GUCY2F: variants seen among roughly 807,000 people sequenced by gnomAD.
GUCY2F encodes guanylate cyclase 2F, retinal, also known as retinal guanylyl cyclase 2.
In GUCY2F, 61 loss-of-function variants were observed where a neutral mutation model predicts 73.1. That is an observed-to-expected ratio of 0.83 (90% confidence interval 0.68 to 1.03). The LOEUF (loss-of-function observed/expected upper bound fraction) is 1.03, where lower values mean the gene tolerates loss of function less well. Ranked by LOEUF, GUCY2F falls within the 50% of genes least tolerant of loss-of-function variation. The probability of loss-of-function intolerance (pLI) is 0.00; values close to 1 mark genes in which losing one functional copy is unlikely to be tolerated. For synonymous variants in GUCY2F, 331 were observed against 307.8 expected (o/e 1.08, Z -0.79); for missense variants, 912 against 854.3 (o/e 1.07, Z -0.84).
At chrX:109,379,382 CACA>C (rs1930248739) in intron 17 of GUCY2F, among the ~76,000 whole-genome samples, 1 of 95,722 alleles carries the variant, frequency 1.0e-5, no homozygotes, top group South Asian at 5.8e-4. Flanking sequence ...ATGTTCTCAC[CACA>C]AAAAAAAAAT....
intron 8 of GUCY2F, among the ~76,000 whole-genome samples, chrX:109,420,370 GAGAA>G (rs958786364): frequency 9.5e-6 from 1 of 104,945 alleles, no homozygotes; most frequent in African/African-American, 3.5e-5. Context: ...GAGAGAGAGA[GAGAA>G]AGACAAAGAG....
chrX:109,438,388 T>A (rs1342698873), intron 7 of GUCY2F, among the ~76,000 whole-genome samples: 1 of 112,688 alleles, frequency 8.9e-6, no homozygotes, highest in Non-Finnish European at 1.9e-5. Flanking sequence ...TACCTCTTAA[T>A]GTCCTCACAT....
chrX:109,442,518 G>A, intron 6 of GUCY2F, among the ~76,000 whole-genome samples: 1 of 111,294 alleles, frequency 9.0e-6, no homozygotes, highest in Non-Finnish European at 1.9e-5. Flanking sequence ...ATTTTACTTT[G>A]CTTGCCAATA....
At chrX:109,403,682 T>C (rs1189984167) in intron 10 of GUCY2F, among the ~76,000 whole-genome samples, 1 of 112,212 alleles carries the variant, frequency 8.9e-6, no homozygotes, top group Non-Finnish European at 1.9e-5. Flanking sequence ...CCCCCAACTT[T>C]TCTGTGTTCT....
At chrX:109,378,628 C>T (rs1239223877) in intron 17 of GUCY2F, among the ~76,000 whole-genome samples, 2 of 111,401 alleles carry the variant, frequency 1.8e-5, no homozygotes, top group Admixed American at 1.9e-4. Flanking sequence ...CATAGACATG[C>T]TCATACACAC....
chrX:109,448,395 A>C (rs1269352104), intron 5 of GUCY2F, among the ~76,000 whole-genome samples: 2 of 111,990 alleles, frequency 1.8e-5, no homozygotes, highest in African/African-American at 6.5e-5. Flanking sequence ...AATGCTCTTG[A>C]AGAGGCACCA....
intron 19 of GUCY2F, among the ~76,000 whole-genome samples, chrX:109,375,022 T>C (rs17003954): frequency 0.014 from 1,580 of 110,017 alleles, 24 homozygotes; most frequent in African/African-American, 0.045. Flanking sequence ...TGTGATTATT[T>C]TGGGACATGT....
At chrX:109,384,374 C>G (rs186665647) in intron 16 of GUCY2F, among the ~76,000 whole-genome samples, 145 of 112,191 alleles carry the variant, frequency 1.3e-3, no homozygotes, top group Non-Finnish European at 1.6e-3. Context: ...TAATGTTATT[C>G]TCTATGCTTT....
chrX:109,461,239 A>G (rs1194710467), intron 3 of GUCY2F, among the ~76,000 whole-genome samples: 2 of 112,102 alleles, frequency 1.8e-5, no homozygotes, highest in African/African-American at 6.5e-5. Flanking sequence ...AGAAGTAAAT[A>G]CCAGAATAAA....
chrX:109,455,144 A>G (rs769408997), intron 3 of GUCY2F, among the ~76,000 whole-genome samples: 19 of 111,480 alleles, frequency 1.7e-4, no homozygotes, highest in Non-Finnish European at 3.4e-4. Context: ...CCAGACCAAC[A>G]AAAAGAGATG....
chrX:109,383,013 C>T (rs1176354781), intron 16 of GUCY2F, among the ~76,000 whole-genome samples: 1 of 111,518 alleles, frequency 9.0e-6, no homozygotes, highest in African/African-American at 3.3e-5. Flanking sequence ...AGTTTTCACA[C>T]ATGCTTGAGA....
intron 3 of GUCY2F, among the ~76,000 whole-genome samples, chrX:109,464,280 C>G (rs1307193954): frequency 9.0e-6 from 1 of 111,602 alleles, no homozygotes; most frequent in Non-Finnish European, 1.9e-5. Context: ...TACTTTCTTC[C>G]CCTCCTCACT....
chrX:109,453,561 C>G lies in GUCY2F; in HGVS notation c.1331G>C (p.Arg444Thr). 8.3e-7 allele frequency: 1 copy of G among 1,210,258 alleles called. No homozygotes were observed. Among genetic ancestry groups the G allele is most frequent in the Non-Finnish European group, 1.1e-6 (1 of 894,257 alleles). ...GCATTTTGCATCTGCTCTAGGGGGC[C>G]TGCCACCAGGGAAGTGAATAGGGGT... ...GGTPIHFPGGRPPRADAKCWF... is the reference protein window; with the variant it reads ...GGTPIHFPGGTPPRADAKCWF... Residue 444 changes from arginine (R) to threonine (T), a missense_variant, in exon 4 of 20, where the codon AGG becomes ACG. By Grantham distance (71) the Arg-to-Thr change is moderately conservative. Coordinates refer to ENST00000218006, the MANE Select transcript of GUCY2F (RefSeq NM_001522.3).
chrX:109,418,564 A>G (rs1019679524), intron 8 of GUCY2F, among the ~76,000 whole-genome samples: 2 of 112,033 alleles, frequency 1.8e-5, no homozygotes, highest in Admixed American at 1.9e-4. Context: ...ACATGGGTCA[A>G]AAAAGAATAA....
At chrX:109,430,157 T>C (rs775867745) in intron 8 of GUCY2F, 150 bp downstream of exon 8, 66 of 461,934 alleles carry the variant, frequency 1.4e-4, no homozygotes, top group Non-Finnish European at 2.0e-4. Flanking sequence ...CCTTTGCCAT[T>C]GCATGATATG....
intron 15 of GUCY2F, 88 bp from the exon 16 acceptor site, chrX:109,385,370 C>T: frequency 2.1e-6 from 1 of 471,754 alleles, no homozygotes; most frequent in Non-Finnish European, 3.6e-6. Context: ...AGGAATGTAT[C>T]TTTGTAAAAG....
chrX:109,453,068 G>A lies in GUCY2F; in HGVS notation c.1387+437C>T, dbSNP rs766016977. ...GAGGTACAGACTTTTACTTCAATGG[G>A]AGTTCAGAGAGGAGAGAGTATAGGT... On this transcript the variant is annotated intron_variant, in intron 4 of 19. Coordinates refer to ENST00000218006, the MANE Select transcript of GUCY2F (RefSeq NM_001522.3). 6.3e-5 allele frequency among the ~76,000 whole-genome samples: 7 copies of A among 111,892 alleles called. No individual in the cohort carries two copies. The East Asian group carries it at 1.7e-3, about 27-fold the overall frequency.
intron 9 of GUCY2F, among the ~76,000 whole-genome samples, chrX:109,407,252 C>T (rs760547540): frequency 9.8e-5 from 11 of 112,348 alleles, no homozygotes; most frequent in African/African-American, 3.6e-4. Flanking sequence ...AGCAAAGACA[C>T]TGGTGGCATT....
In GUCY2F at chrX:109,421,466, C is replaced by T. The variant is rs192637155; in HGVS notation, c.1791+8841G>A. Reference sequence around the variant, plus strand: ...TGAATGAACCTTGAGGACATTATGCCAAGTGAAATAAGACAGTCACAAAAA... The same window carrying T: ...TGAATGAACCTTGAGGACATTATGCTAAGTGAAATAAGACAGTCACAAAAA... On this transcript the variant is annotated intron_variant, in intron 8 of 19. Coordinates refer to ENST00000218006, the MANE Select transcript of GUCY2F (RefSeq NM_001522.3). Among the ~76,000 whole-genome samples the T allele has an allele frequency of 5.3e-4, 59 of 111,316 alleles. No homozygotes were observed. The East Asian group carries it at 0.015, about 28-fold the overall frequency.
Sources: allele counts gnomAD v4.1 joint callset (sites outside exome capture counted in the v4.1 genomes callset), GRCh38; gene constraint gnomAD v4.1.1; transcripts MANE v1.5; gene names NCBI Gene and HGNC (gene_info 2026-07-23, HGNC 2026-07-21).